GREM2: variants seen among roughly 807,000 people sequenced by gnomAD.
GREM2 encodes gremlin 2, DAN family BMP antagonist, also known as gremlin-2.
A neutral mutation model predicts 14.2 loss-of-function variants in GREM2; 11 were observed. That is an observed-to-expected ratio of 0.78 (90% CI 0.49 to 1.28). The LOEUF (loss-of-function observed/expected upper bound fraction) is 1.28, where lower values mean the gene tolerates loss of function less well. Ranked by LOEUF, GREM2 falls within the 50% of genes most tolerant of loss-of-function variation. GREM2 has a pLI of 0.00. For synonymous variants in GREM2, 98 were observed against 97.6 expected, an observed-to-expected ratio of 1.00 and a Z score of -0.02; for missense variants, 210 against 218.5, an observed-to-expected ratio of 0.96 and a Z score of 0.24.
chr1:240,545,362 G>A (rs1005834478), intron 1 of GREM2, among the ~76,000 whole-genome samples: 8 of 152,238 alleles, frequency 5.3e-5, no homozygotes, highest in African/African-American at 1.9e-4. Context: ...ACGCCTCTTC[G>A]TGCGTGCCTT....
intron 1 of GREM2, among the ~76,000 whole-genome samples, chr1:240,595,304 C>T (rs371404717): frequency 6.4e-4 from 97 of 152,124 alleles, no homozygotes; most frequent in African/African-American, 2.3e-3. Context: ...TGCACTCCAG[C>T]CTGGCCACAG....
intron 1 of GREM2, among the ~76,000 whole-genome samples, chr1:240,591,573 G>A (rs541714964): frequency 1.3e-5 from 2 of 152,180 alleles, no homozygotes; most frequent in East Asian, 3.9e-4. Flanking sequence ...ATTCCTTCTT[G>A]CCCACATCTC....
intron 1 of GREM2, among the ~76,000 whole-genome samples, chr1:240,521,957 A>C (rs4659976): frequency 0.58 from 88,406 of 151,352 alleles, 26,302 homozygotes; most frequent in East Asian, 0.94. Flanking sequence ...ACCAAAAAAA[A>C]AATTTTTTTT....
intron 1 of GREM2, among the ~76,000 whole-genome samples, chr1:240,586,667 G>A (rs1477723878): frequency 1.3e-5 from 2 of 152,270 alleles, no homozygotes; most frequent in South Asian, 4.1e-4. Flanking sequence ...CATGATGTTT[G>A]TACACAGAGA....
chr1:240,603,861 A>T (rs1679975774), intron 1 of GREM2, among the ~76,000 whole-genome samples: 1 of 151,442 alleles, frequency 6.6e-6, no homozygotes, highest in African/African-American at 2.4e-5. Context: ...CTATTGTGTT[A>T]GTCCATTTGC....
At chr1:240,553,990 C>G (rs553767123) in intron 1 of GREM2, among the ~76,000 whole-genome samples, 14 of 152,326 alleles carry the variant, frequency 9.2e-5, no homozygotes, top group African/African-American at 3.4e-4. Context: ...GTGACCTCAG[C>G]AAAGCCTCTA....
At chr1:240,566,259 C>T (rs1487900669) in intron 1 of GREM2, among the ~76,000 whole-genome samples, 2 of 152,136 alleles carry the variant, frequency 1.3e-5, no homozygotes, top group Admixed American at 6.6e-5. Flanking sequence ...TATGCTCTTG[C>T]CTGAAACAGT....
chr1:240,507,161 G>C (rs1677692129), intron 1 of GREM2, among the ~76,000 whole-genome samples: 1 of 152,228 alleles, frequency 6.6e-6, no homozygotes, highest in Admixed American at 6.5e-5. Context: ...GCGATGCCCA[G>C]CTCTGTGTGG....
intron 1 of GREM2, among the ~76,000 whole-genome samples, chr1:240,598,331 G>A (rs1022017865): frequency 6.6e-6 from 1 of 152,170 alleles, no homozygotes; most frequent in African/African-American, 2.4e-5. Context: ...GTCTGAAGTT[G>A]TGGGATTTTG....
intron 1 of GREM2, among the ~76,000 whole-genome samples, chr1:240,570,390 A>T (rs907397391): frequency 6.6e-6 from 1 of 152,142 alleles, no homozygotes; most frequent in Non-Finnish European, 1.5e-5. Context: ...TGAACCCAGG[A>T]GGTGGAGGTT....
intron 1 of GREM2, among the ~76,000 whole-genome samples, chr1:240,579,707 C>A (rs77873587): frequency 0.022 from 3,331 of 152,262 alleles, 110 homozygotes; most frequent in African/African-American, 0.076. Context: ...CCAACGGTTT[C>A]TGTCTGGGGT....
intron 1 of GREM2, among the ~76,000 whole-genome samples, chr1:240,582,611 C>G (rs886625498): frequency 6.6e-6 from 1 of 152,238 alleles, no homozygotes; most frequent in Admixed American, 6.5e-5. Context: ...GCCTGTCCAA[C>G]ATGGTGAAAC....
At chr1:240,503,533 C>A (rs1276391481) in intron 1 of GREM2, among the ~76,000 whole-genome samples, 2 of 152,208 alleles carry the variant, frequency 1.3e-5, no homozygotes, top group Non-Finnish European at 2.9e-5. Context: ...AGTTCAAAGT[C>A]TTTGGCACAA....
rs1678657171 is a variant in GREM2, at chr1:240,543,941, A to G, written c.-1-50465T>C. Among the ~76,000 whole-genome samples, 1 of 152,222 alleles carries G rather than the reference A, an allele frequency of 6.6e-6. No homozygotes were observed. Among genetic ancestry groups the G allele is most frequent in the Admixed American group, 6.5e-5 (1 of 15,280 alleles). Reference sequence around the variant, plus strand: ...GACCCTCCATACCTGTGGGTTCCACATTCATGGGTTCAACCAACCTCAGAT... The same window carrying G: ...GACCCTCCATACCTGTGGGTTCCACGTTCATGGGTTCAACCAACCTCAGAT... On this transcript the variant is annotated intron_variant, in intron 1 of 1. Coordinates refer to ENST00000318160, the MANE Select transcript of GREM2 (RefSeq NM_022469.4). This position sits in a 1 kb window ranked among gnomAD's most constrained non-coding sequence, Gnocchi z 6.4.
chr1:240,570,151 C>T (rs1679232855), intron 1 of GREM2, among the ~76,000 whole-genome samples: 3 of 152,134 alleles, frequency 2.0e-5, no homozygotes, highest in Admixed American at 6.6e-5. Flanking sequence ...TTGTTGGGTC[C>T]ATGCTATTGT....
chr1:240,594,336 G>A lies in GREM2; in HGVS notation c.-2+17548C>T, dbSNP rs554032291. Among the ~76,000 whole-genome samples, 17 of 152,280 alleles carry A rather than the reference G, an allele frequency of 1.1e-4. No individual in the cohort carries two copies. The South Asian group carries it at 2.9e-3, about 26-fold the overall frequency. Reference sequence around the variant, plus strand: ...TCACTATGCAATATTCATGCCACACGTGGCAGGCATTGTGGGGAGCATTCA... The same window carrying A: ...TCACTATGCAATATTCATGCCACACATGGCAGGCATTGTGGGGAGCATTCA... On this transcript the variant is annotated intron_variant, in intron 1 of 1. Coordinates refer to ENST00000318160, the MANE Select transcript of GREM2 (RefSeq NM_022469.4).
At chr1:240,582,524 G>T (rs769909272) in intron 1 of GREM2, among the ~76,000 whole-genome samples, 2 of 152,076 alleles carry the variant, frequency 1.3e-5, no homozygotes, top group Non-Finnish European at 2.9e-5. Flanking sequence ...GACCTGGCCT[G>T]GTGGCTCACG....
At chr1:240,598,112 G>A (rs1364108383) in intron 1 of GREM2, among the ~76,000 whole-genome samples, 8 of 152,148 alleles carry the variant, frequency 5.3e-5, no homozygotes, top group Non-Finnish European at 1.2e-4. Flanking sequence ...ATCATATGGA[G>A]ACAATTTGAA....
chr1:240,531,601 G>A, intron 1 of GREM2: 3 of 967,608 alleles, frequency 3.1e-6, no homozygotes, highest in Non-Finnish European at 3.7e-6. Flanking sequence ...GTTGGTGTGT[G>A]GTTATGTGGC....
Sources: allele counts gnomAD v4.1 joint callset (sites outside exome capture counted in the v4.1 genomes callset), GRCh38; gene constraint gnomAD v4.1.1; non-coding constraint Gnocchi (gnomAD v3.1); transcripts MANE v1.5; gene names NCBI Gene and HGNC (gene_info 2026-07-23, HGNC 2026-07-21).